The following PCNT variants were observed in gnomAD, a reference collection of about 807,000 sequenced individuals.
The protein encoded by PCNT is kendrin.
Under a neutral mutation model 380.4 loss-of-function variants are expected in PCNT, and 319 were observed. That is an observed-to-expected ratio of 0.84 (90% CI 0.77 to 0.92). PCNT has a LOEUF of 0.92. Ranked by LOEUF, PCNT falls within the 40% of genes least tolerant of loss-of-function variation. The pLI is 0.00. For synonymous variants in PCNT, 1,845 were observed against 1,735.2 expected (o/e 1.06, Z -1.57); for missense variants, 4,400 against 4,255.3 (o/e 1.03, Z -0.95).
intron 31 of PCNT, among the ~76,000 whole-genome samples, chr21:46,419,654 A>G (rs1223420050): frequency 1.3e-5 from 2 of 152,174 alleles, no homozygotes; most frequent in Non-Finnish European, 1.5e-5. Context: ...CACAGTGTCC[A>G]GGTGAATGTC....
chr21:46,346,674 T>C, intron 4 of PCNT, 69 bp from the exon 5 acceptor site: 1 of 1,529,080 alleles, frequency 6.5e-7, no homozygotes. Flanking sequence ...TCATTCATGC[T>C]TCTGTGTCTC....
intron 1 of PCNT, 54 bp downstream of exon 1, chr21:46,324,336 G>T: frequency 7.0e-7 from 1 of 1,422,428 alleles, no homozygotes. Flanking sequence ...CCTAAGGGCG[G>T]CTCCGGTGCC....
At chr21:46,410,529 C>T (rs1569267113) in intron 27 of PCNT, among the ~76,000 whole-genome samples, 1 of 152,206 alleles carries the variant, frequency 6.6e-6, no homozygotes, top group Non-Finnish European at 1.5e-5. Context: ...ACATCTCAAT[C>T]CTAATTTTCC....
rs565054976 is a variant in PCNT, at chr21:46,397,305, G to A, written c.4257G>A (p.Ser1419=). The A allele has an allele frequency of 6.8e-6, 11 of 1,614,076 alleles. No individual in the cohort carries two copies. The East Asian group carries it at 8.9e-5, about 13-fold the overall frequency. ...KEVEDLTKEQ[S]ETRKQAEKDR... Reference sequence around the variant, plus strand: ...TGGAGGATCTGACCAAAGAACAGTCGGAGACCAGGAAGCAGGCTGAGAAGG... The same window carrying A: ...TGGAGGATCTGACCAAAGAACAGTCAGAGACCAGGAAGCAGGCTGAGAAGG... The change falls in exon 22 of 47, where the codon TCG becomes TCA. Residue 1419 remains serine (S), a synonymous_variant. Transcript: ENST00000359568.
intron 17 of PCNT, among the ~76,000 whole-genome samples, chr21:46,387,924 A>T (rs1190504631): frequency 1.3e-5 from 2 of 152,202 alleles, no homozygotes; most frequent in East Asian, 3.9e-4. Flanking sequence ...AAACAGAAGC[A>T]TCCCAGCCGG....
At chr21:46,411,045 A>G (rs2086768367) in intron 27 of PCNT, 144 bp from the exon 28 acceptor site, 1 of 844,364 alleles carries the variant, frequency 1.2e-6, no homozygotes, top group African/African-American at 1.7e-5. Flanking sequence ...ATCCGGCACC[A>G]GCAGTTTGCT....
intron 45 of PCNT, 96 bp downstream of exon 45, chr21:46,444,044 C>A: frequency 1.5e-6 from 2 of 1,348,190 alleles, no homozygotes; most frequent in Non-Finnish European, 2.0e-6. Flanking sequence ...CTGGCTTTGG[C>A]CCAGCCCAGG....
In PCNT at chr21:46,353,232, G is replaced by C. The variant is rs762598541; in HGVS notation, c.1585G>C (p.Asp529His). Residue 529 changes from aspartate (D) to histidine (H), a missense_variant, in exon 10 of 47, where the codon GAT becomes CAT. Coordinates refer to ENST00000359568, the MANE Select transcript of PCNT (RefSeq NM_006031.6). ...GATTTATTTTGAAAAGAAGTTAAGG[G>C]ATGCTGAGAAAACTTACCAAGAAGA... ...LRIYFEKKLR[D>H]AEKTYQEDLT... 8 of 1,614,048 alleles carry C rather than the reference G, an allele frequency of 5.0e-6. No individual in the cohort carries two copies. The Admixed American group carries it at 1.3e-4, about 27-fold the overall frequency.
At chr21:46,378,661 G>A (rs1301217445) in intron 15 of PCNT, among the ~76,000 whole-genome samples, 2 of 152,216 alleles carry the variant, frequency 1.3e-5, no homozygotes, top group African/African-American at 4.8e-5. Flanking sequence ...AAATGACGTT[G>A]AACACAAGTA....
At chr21:46,325,484 G>A (rs905554835) in intron 1 of PCNT, among the ~76,000 whole-genome samples, 1 of 152,242 alleles carries the variant, frequency 6.6e-6, no homozygotes, top group African/African-American at 2.4e-5. Context: ...TGTGGTGGAG[G>A]AGGACATGAA....
intron 13 of PCNT, among the ~76,000 whole-genome samples, chr21:46,358,140 C>T (rs534925851): frequency 2.0e-5 from 3 of 152,102 alleles, no homozygotes; most frequent in East Asian, 3.9e-4. Context: ...GCTCAGGCTC[C>T]GTCCCATGCG....
intron 2 of PCNT, among the ~76,000 whole-genome samples, chr21:46,332,758 T>A (rs2083598944): frequency 6.6e-6 from 1 of 152,248 alleles, no homozygotes; most frequent in Non-Finnish European, 1.5e-5. Context: ...GTCGACACTG[T>A]CATGTTTCTT....
At chr21:46,427,438 T>C (rs562953200) in intron 33 of PCNT, among the ~76,000 whole-genome samples, 184 bp from the exon 34 acceptor site, 1 of 152,364 alleles carries the variant, frequency 6.6e-6, no homozygotes, top group East Asian at 1.9e-4. Context: ...GTCTCCGTGC[T>C]GTGTCCTCAT....
rs142020803 is a variant in PCNT at position 46,398,094 on chromosome 21, G to A, written c.4527G>A (p.Ala1509=). Residue 1509 remains alanine (A), a synonymous_variant, in exon 23 of 47, where the codon GCG becomes GCA. Transcript: ENST00000359568. ...GGCTGGAGGGGCAGCTCCGCCAGGC[G>A]GCCAAGCCGCAGCCCTGGGGCCCTC... ...IQRLEGQLRQ[A]AKPQPWGPRD... 38 of 1,599,440 alleles carry A rather than the reference G, an allele frequency of 2.4e-5. No homozygotes were observed. The highest frequency in any genetic ancestry group is 1.6e-4 in the African/African-American group (12 of 74,778).
chr21:46,377,219 G>T (rs1361280621), intron 15 of PCNT, among the ~76,000 whole-genome samples: 1 of 152,190 alleles, frequency 6.6e-6, no homozygotes, highest in African/African-American at 2.4e-5. Flanking sequence ...AGCTGGTGGA[G>T]CCCCAGCCCT....
In PCNT at chr21:46,355,513, T is replaced by C. The variant is rs767026008; in HGVS notation, c.1823T>C (p.Leu608Pro). 2 of 1,614,084 alleles carry C rather than the reference T, an allele frequency of 1.2e-6. No individual in the cohort carries two copies. Among genetic ancestry groups the C allele is most frequent in the South Asian group, 2.2e-5 (2 of 91,088 alleles). The change falls in exon 12 of 47, where the codon CTG becomes CCG. Residue 608 changes from leucine (L) to proline (P), a missense_variant. Leu to Pro is a moderately conservative substitution (Grantham distance 98, BLOSUM62 -3). Transcript: ENST00000359568. ...AGCCACAGGCACCAGCTGGAAGCGCTGGAGTCTCCCCTCTGCATCCAGCAC... is the reference window on the plus strand; with the variant it reads ...AGCCACAGGCACCAGCTGGAAGCGCCGGAGTCTCCCCTCTGCATCCAGCAC... ...EESHRHQLEA[L>P]ESPLCIQHEG...
intron 24 of PCNT, 57 bp downstream of exon 24, chr21:46,398,312 G>A (rs560633923): frequency 6.5e-4 from 997 of 1,530,306 alleles, no homozygotes; most frequent in Non-Finnish European, 8.6e-4. Context: ...GCTCCCCTGC[G>A]CTCGCTGGGA....
chr21:46,348,161 C>G (rs1347235322), intron 6 of PCNT: 1 of 169,896 alleles, frequency 5.9e-6, no homozygotes, highest in Non-Finnish European at 1.3e-5. Flanking sequence ...TGGGACAGAG[C>G]CCAGCCCTTG....
chr21:46,440,179 G>A lies in PCNT; in HGVS notation c.9370G>A (p.Glu3124Lys). 5 of 1,614,150 alleles carry A rather than the reference G, an allele frequency of 3.1e-6. No individual in the cohort carries two copies. The highest frequency in any genetic ancestry group is 4.2e-6 in the Non-Finnish European group (5 of 1,180,036). Reference sequence around the variant, plus strand: ...CCGGCTTCCACCAGCTGCCAGCGAGGAAGCACACACCAGCAATGTCAAGGT... The same window carrying A: ...CCGGCTTCCACCAGCTGCCAGCGAGAAAGCACACACCAGCAATGTCAAGGT... ...PGRLPPAASE[E>K]AHTSNVKMEK... Residue 3124 changes from glutamate (E) to lysine (K), a missense_variant, in exon 42 of 47, where the codon GAA becomes AAA. By Grantham distance (56) the Glu-to-Lys change is moderately conservative. Coordinates refer to ENST00000359568, the MANE Select transcript of PCNT (RefSeq NM_006031.6).
Sources: gnomAD v4.1 joint callset for allele counts (sites outside exome capture counted in the v4.1 genomes callset) on GRCh38, gnomAD v4.1.1 for gene constraint, MANE v1.5 for transcripts, NCBI Gene and HGNC (gene_info 2026-07-23, HGNC 2026-07-21) for gene names.